TCAF1: variants seen among roughly 807,000 people sequenced by gnomAD.
TCAF1 encodes TRPM8 channel associated factor 1, also known as TRPM8 channel-associated factor 1.
TCAF1 carries 4 observed loss-of-function variants against 27.3 expected under a neutral mutation model. The observed-to-expected ratio is 0.15, with a 90% CI of 0.07 to 0.34. TCAF1 has a LOEUF of 0.34. Ranked by LOEUF, TCAF1 falls within the 10% of genes least tolerant of loss-of-function variation. TCAF1 has a pLI of 1.00. For synonymous variants in TCAF1, 105 were observed against 167.1 expected (o/e 0.63, Z 2.87); for missense variants, 257 against 425.8 (o/e 0.60, Z 3.49).
At chr7:143,867,456 C>CA (rs1159446289) in intron 2 of TCAF1, among the ~76,000 whole-genome samples, 1 of 151,826 alleles carries the variant, frequency 6.6e-6, no homozygotes, top group African/African-American at 2.4e-5. Flanking sequence ...AAAAACAAAA[C>CA]AAAAACAAAG....
intron 2 of TCAF1, among the ~76,000 whole-genome samples, chr7:143,871,233 TA>T (rs1812447486): frequency 1.0e-5 from 1 of 99,020 alleles, no homozygotes; most frequent in Non-Finnish European, 2.2e-5. Context: ...AAGTAAAAGG[TA>T]ACCTTGCAAC....
At chr7:143,888,476 A>G (rs911803109) in intron 1 of TCAF1, among the ~76,000 whole-genome samples, 1 of 152,258 alleles carries the variant, frequency 6.6e-6, no homozygotes, top group African/African-American at 2.4e-5. Context: ...AATAGGAAGT[A>G]AATTCATGTC....
intron 1 of TCAF1, among the ~76,000 whole-genome samples, chr7:143,895,817 A>T (rs1166932707): frequency 6.6e-5 from 10 of 151,516 alleles, no homozygotes; most frequent in Admixed American, 1.3e-4. Flanking sequence ...TAAACATCTT[A>T]AAAATTAGGA....
At chr7:143,899,648 A>G (rs1331573771) in intron 1 of TCAF1, among the ~76,000 whole-genome samples, 1 of 152,248 alleles carries the variant, frequency 6.6e-6, no homozygotes, top group Non-Finnish European at 1.5e-5. Context: ...ACTTAGATTC[A>G]TTGATAGAAA....
chr7:143,879,169 A>G (rs747990820), intron 1 of TCAF1, among the ~76,000 whole-genome samples: 3 of 152,118 alleles, frequency 2.0e-5, no homozygotes, highest in South Asian at 4.1e-4. Context: ...CCCTCTCCCA[A>G]ATCTTTCTAT....
chr7:143,880,601 T>A (rs1812960062), intron 1 of TCAF1, among the ~76,000 whole-genome samples: 1 of 152,222 alleles, frequency 6.6e-6, no homozygotes, highest in Admixed American at 6.5e-5. Context: ...CAGTTAAGCA[T>A]GTAAACACAC....
Position 143,862,397 on chromosome 7 carries a change from AGGTG to A in TCAF1, c.1713+15_1713+18del. 9.1e-6 allele frequency: 1 copy of A among 110,064 alleles called. No individual in the cohort carries two copies. Among genetic ancestry groups the A allele is most frequent in the Non-Finnish European group, 1.8e-5 (1 of 56,268 alleles). 6.8% of individuals were successfully genotyped at this position (110,064 alleles called of 1,614,324 possible). ...CCTTTGGCTTCCATGTTACATGGTG[AGGTG>A]GGGCATGGCCTTACCTTCAGGTCGG... On this transcript the variant is annotated intron_variant, in intron 4 of 8. Transcript: ENST00000479870.
In TCAF1 at chr7:143,876,363, C is replaced by G; in HGVS notation, c.246G>C (p.Gly82=). The change falls in exon 2 of 9, where the codon GGG becomes GGC. Residue 82 remains glycine (G), a synonymous_variant. Coordinates refer to ENST00000479870, the MANE Select transcript of TCAF1 (RefSeq NM_014719.3). ...GAGCCCCAGGGGAAGAGCAAAGCCA[C>G]CCCACTGCGTTCAGGAGAAAGGGCG... ...QLTPFLLNAV[G]WLCSSPGAPI... 2 of 1,614,190 alleles carry G rather than the reference C, an allele frequency of 1.2e-6. No individual in the cohort carries two copies. Among genetic ancestry groups the G allele is most frequent in the South Asian group, 1.1e-5 (1 of 91,076 alleles).
At chr7:143,883,505 T>C (rs891335110) in intron 1 of TCAF1, among the ~76,000 whole-genome samples, 19 of 129,320 alleles carry the variant, frequency 1.5e-4, no homozygotes, top group East Asian at 7.0e-4. Flanking sequence ...TTTTTCTTTT[T>C]TTTTTTTTTT....
chr7:143,870,148 CTT>C, intron 2 of TCAF1, among the ~76,000 whole-genome samples: 1 of 116,114 alleles, frequency 8.6e-6, no homozygotes, highest in South Asian at 3.4e-4. Context: ...AGGTTAATCA[CTT>C]TTAATGATTT....
At chr7:143,892,860 T>C (rs1479103669) in intron 1 of TCAF1, among the ~76,000 whole-genome samples, 1 of 152,166 alleles carries the variant, frequency 6.6e-6, no homozygotes, top group Non-Finnish European at 1.5e-5. Flanking sequence ...AAGGTAGCTG[T>C]CTATAAGCTA....
chr7:143,884,274 C>A (rs1292019623), intron 1 of TCAF1, among the ~76,000 whole-genome samples: 2 of 152,138 alleles, frequency 1.3e-5, no homozygotes, highest in Non-Finnish European at 2.9e-5. Context: ...TCCCCATCTC[C>A]CTTCAACTCC....
In TCAF1 at chr7:143,896,488, T is replaced by TA. The variant is rs530089648; in HGVS notation, c.-15+5472dup. Among the ~76,000 whole-genome samples, 27 of 152,198 alleles carry TA rather than the reference T, an allele frequency of 1.8e-4. No individual in the cohort carries two copies. The South Asian group carries it at 5.4e-3, about 30-fold the overall frequency. Reference sequence around the variant, plus strand: ...TGGGTTGTATAATTAAAACAGTTGATACACAGAACATCATGTAATTACAGA... The same window carrying TA: ...TGGGTTGTATAATTAAAACAGTTGATAACACAGAACATCATGTAATTACAGA... On this transcript the variant is annotated intron_variant, in intron 1 of 8. Transcript: ENST00000479870.
chr7:143,892,613 G>A (rs950720094), intron 1 of TCAF1, among the ~76,000 whole-genome samples: 3 of 149,916 alleles, frequency 2.0e-5, no homozygotes, highest in East Asian at 2.0e-4. Flanking sequence ...CTGCTGCCTC[G>A]GCTCACTGCA....
intron 5 of TCAF1, among the ~76,000 whole-genome samples, chr7:143,860,697 T>G (rs1432212591): frequency 6.6e-6 from 1 of 152,284 alleles, no homozygotes; most frequent in Non-Finnish European, 1.5e-5. Context: ...GCATTAGCTA[T>G]TTATCCTGAT....
chr7:143,888,294 G>A (rs1313476027), intron 1 of TCAF1, among the ~76,000 whole-genome samples: 1 of 152,174 alleles, frequency 6.6e-6, no homozygotes, highest in Non-Finnish European at 1.5e-5. Context: ...AAGCATGAAA[G>A]CTGGCTCTCA....
intron 1 of TCAF1, among the ~76,000 whole-genome samples, chr7:143,885,800 T>A (rs1416037542): frequency 6.6e-6 from 1 of 152,152 alleles, no homozygotes; most frequent in African/African-American, 2.4e-5. Flanking sequence ...ACAGAAATTG[T>A]ATGGAAGATA....
At position 143,876,585 on chromosome 7, in the gene TCAF1, G is replaced by T; in HGVS notation, c.24C>A (p.Phe8Leu). ...TTGTCACACCATTCATAAGGGCCTC[G>T]AAGGCAGCAGAGGGAGTCGCCATGG... is the stretch of plus-strand genomic sequence containing the variant. MATPSAA[F>L]EALMNGVTSW... The change falls in exon 2 of 9, where the codon TTC becomes TTA. Residue 8 changes from phenylalanine to leucine, a missense_variant. Coordinates refer to ENST00000479870, the MANE Select transcript of TCAF1 (RefSeq NM_014719.3). 6.6e-7 allele frequency: 1 copy of T among 1,516,036 alleles called. No individual in the cohort carries two copies. 93.9% of individuals were successfully genotyped at this position (1,516,036 alleles called of 1,614,324 possible).
At chr7:143,901,706 G>A (rs1014169851) in intron 1 of TCAF1, among the ~76,000 whole-genome samples, 8 of 152,202 alleles carry the variant, frequency 5.3e-5, no homozygotes, top group African/African-American at 1.9e-4. Context: ...GCTCCTTGCG[G>A]AGCAAAAAAC....
Sources: allele counts gnomAD v4.1 joint callset (sites outside exome capture counted in the v4.1 genomes callset), GRCh38; gene constraint gnomAD v4.1.1; transcripts MANE v1.5; gene names NCBI Gene and HGNC (gene_info 2026-07-23, HGNC 2026-07-21).